Variants in TBL1X observed in about 807,000 individuals in gnomAD.
The protein encoded by TBL1X is transducin beta like 1 X-linked, also known as F-box-like/WD repeat-containing protein TBL1X.
Under a neutral mutation model 50.7 loss-of-function variants are expected in TBL1X, and 10 were observed. That is an observed-to-expected ratio of 0.20 (90% CI 0.12 to 0.33). The LOEUF (loss-of-function observed/expected upper bound fraction) is 0.33. Among genes scored for constraint, TBL1X ranks in the 10% least tolerant of loss-of-function variants. TBL1X has a pLI of 1.00. For synonymous variants in TBL1X, 190 were observed against 214.7 expected (o/e 0.88, Z 1.01); for missense variants, 340 against 504.4 (o/e 0.67, Z 3.12).
chrX:9,701,928 GAA>G (rs754843936), intron 12 of TBL1X, among the ~76,000 whole-genome samples: 15 of 112,053 alleles, frequency 1.3e-4, no homozygotes, highest in African/African-American at 4.9e-4. Context: ...CTCAGATGTG[GAA>G]AAGACCATTG....
intron 2 of TBL1X, among the ~76,000 whole-genome samples, chrX:9,604,626 C>T (rs1399841890): frequency 9.0e-6 from 1 of 111,066 alleles, no homozygotes; most frequent in Admixed American, 9.5e-5. Context: ...CTGCTGTTGG[C>T]CACTGGGTGC....
At chrX:9,611,317 G>A (rs192967061) in intron 2 of TBL1X, among the ~76,000 whole-genome samples, 1 of 112,602 alleles carries the variant, frequency 8.9e-6, no homozygotes, top group East Asian at 2.8e-4. Flanking sequence ...TCTTCATTCA[G>A]CATCATTTGC....
intron 16 of TBL1X, 85 bp downstream of exon 16, chrX:9,711,861 G>A: frequency 2.0e-6 from 2 of 1,022,246 alleles, no homozygotes; most frequent in Non-Finnish European, 2.6e-6. Flanking sequence ...TCAGAGCAGT[G>A]CCCCGGAGGG....
At chrX:9,620,344 G>A (rs1333586159) in intron 2 of TBL1X, among the ~76,000 whole-genome samples, 1 of 112,657 alleles carries the variant, frequency 8.9e-6, no homozygotes, top group Non-Finnish European at 1.9e-5. Flanking sequence ...TGTATTTTAA[G>A]TTTCTTTCCT....
At chrX:9,633,495 A>G (rs1156691110) in intron 2 of TBL1X, among the ~76,000 whole-genome samples, 2 of 112,328 alleles carry the variant, frequency 1.8e-5, no homozygotes, top group Non-Finnish European at 3.8e-5. Flanking sequence ...TGGTGAGTAG[A>G]AAGAGAAATG....
chrX:9,692,991 G>A (rs912673795), intron 9 of TBL1X, among the ~76,000 whole-genome samples, 158 bp from the exon 10 acceptor site: 3 of 112,332 alleles, frequency 2.7e-5, no homozygotes, highest in African/African-American at 9.7e-5. Context: ...AAGGTCTTAC[G>A]ATAGCTTTCA....
chrX:9,514,702 C>G (rs1490725644), intron 2 of TBL1X, among the ~76,000 whole-genome samples: 2 of 112,237 alleles, frequency 1.8e-5, no homozygotes, highest in African/African-American at 3.2e-5. Flanking sequence ...GATCATAGAG[C>G]AGGAAAACCC....
Position 9,494,942 on chromosome X carries a change from T to C in TBL1X, c.-200-6838T>C, listed in dbSNP as rs1242958078. Among the ~76,000 whole-genome samples, 3 of 111,996 alleles carry C rather than the reference T, an allele frequency of 2.7e-5. No individual in the cohort carries two copies. The East Asian group carries it at 8.4e-4, about 31-fold the overall frequency. ...ACCAATGCTTGCTTCTCGCCTTGGA[T>C]ACTAACATTTTTTCCATCCATTTCC... is the stretch of plus-strand genomic sequence containing the variant. On this transcript the variant is annotated intron_variant, in intron 1 of 17. Coordinates refer to ENST00000645353, the MANE Select transcript of TBL1X (RefSeq NM_005647.4).
intron 11 of TBL1X, among the ~76,000 whole-genome samples, chrX:9,694,792 G>A (rs765448841): frequency 5.2e-4 from 57 of 110,203 alleles, no homozygotes; most frequent in African/African-American, 1.9e-3. Flanking sequence ...TGACCAACAT[G>A]GAGAAACCCT....
At chrX:9,694,915 C>T (rs772751141) in intron 11 of TBL1X, among the ~76,000 whole-genome samples, 73 of 110,313 alleles carry the variant, frequency 6.6e-4, no homozygotes, top group Non-Finnish European at 9.8e-4. Context: ...GCCCAGATCG[C>T]GCCACTGCAC....
intron 11 of TBL1X, among the ~76,000 whole-genome samples, chrX:9,696,124 A>G (rs2083129957): frequency 8.9e-6 from 1 of 112,938 alleles, no homozygotes; most frequent in Non-Finnish European, 1.9e-5. Context: ...TCCAATGTAC[A>G]TTTAACATAA....
chrX:9,578,505 C>T (rs553640731), intron 2 of TBL1X, among the ~76,000 whole-genome samples: 89 of 111,699 alleles, frequency 8.0e-4, no homozygotes, highest in African/African-American at 1.0e-3. Context: ...AATCCAACTG[C>T]GCCAAGCTGG....
At chrX:9,665,126 G>A (rs1022940804) in intron 5 of TBL1X, among the ~76,000 whole-genome samples, 5 of 109,472 alleles carry the variant, frequency 4.6e-5, no homozygotes, top group African/African-American at 1.7e-4. Context: ...CTTACCTGCA[G>A]AACTCAAATA....
chrX:9,703,121 C>T (rs951330303), intron 12 of TBL1X, among the ~76,000 whole-genome samples: 4 of 110,919 alleles, frequency 3.6e-5, no homozygotes, highest in African/African-American at 6.6e-5. Flanking sequence ...GTCAGGGTTC[C>T]GGACACGGGG....
chrX:9,531,109 G>T (rs1188378418), intron 2 of TBL1X: 1 of 110,999 alleles, frequency 9.0e-6, no homozygotes, highest in African/African-American at 3.3e-5. Flanking sequence ...TTAAAAAGGG[G>T]GAGGCCTGGG....
chrX:9,502,223 C>A (rs1411479464), intron 2 of TBL1X, among the ~76,000 whole-genome samples: 4 of 112,822 alleles, frequency 3.5e-5, no homozygotes, highest in Non-Finnish European at 1.9e-5. Flanking sequence ...AATGTAACTT[C>A]ACCTGTTTTC....
chrX:9,620,893 C>T (rs1055912704), intron 2 of TBL1X, among the ~76,000 whole-genome samples: 1 of 112,100 alleles, frequency 8.9e-6, no homozygotes, highest in African/African-American at 3.2e-5. Context: ...GATAACCTCA[C>T]CTTCCACTAG....
chrX:9,692,343 C>T (rs1020440057), intron 9 of TBL1X, 89 bp downstream of exon 9: 1 of 1,079,760 alleles, frequency 9.3e-7, no homozygotes, highest in African/African-American at 1.9e-5. Context: ...CCCATGCAGA[C>T]ATAGGAGGCA....
At chrX:9,626,275 A>G (rs2082692410) in intron 2 of TBL1X, among the ~76,000 whole-genome samples, 1 of 112,198 alleles carries the variant, frequency 8.9e-6, no homozygotes, top group Non-Finnish European at 1.9e-5. Flanking sequence ...ACAGGGGACC[A>G]TCAGAGTCCC....
Sources: allele counts gnomAD v4.1 joint callset (sites outside exome capture counted in the v4.1 genomes callset), GRCh38; gene constraint gnomAD v4.1.1; transcripts MANE v1.5; gene names NCBI Gene and HGNC (gene_info 2026-07-23, HGNC 2026-07-21).